The following FHIP1B variants were observed in gnomAD, a reference collection of about 807,000 sequenced individuals.
FHIP1B encodes FHF complex subunit HOOK-interacting protein 1B.
A neutral mutation model predicts 82.2 loss-of-function variants in FHIP1B; 28 were observed. The ratio of observed to expected loss-of-function variants is 0.34; its 90% CI spans 0.25 to 0.47. FHIP1B has a LOEUF of 0.47. Among genes scored for constraint, FHIP1B ranks in the 20% least tolerant of loss-of-function variants. The probability of loss-of-function intolerance (pLI) is 1.00; values close to 1 mark genes in which losing one functional copy is unlikely to be tolerated. For synonymous variants in FHIP1B, 585 were observed against 516.1 expected (o/e 1.13, Z -1.81); for missense variants, 1,110 against 1,262.6 (o/e 0.88, Z 1.83).
At chr11:6,216,737 A>C (rs1213334983) in intron 9 of FHIP1B, 1 of 285,144 alleles carries the variant, frequency 3.5e-6, no homozygotes, top group Non-Finnish European at 6.6e-6. Flanking sequence ...TTGCCTTCAA[A>C]GAAATTGCAC....
intron 1 of FHIP1B, among the ~76,000 whole-genome samples, chr11:6,227,657 T>C (rs190364227): frequency 8.5e-4 from 130 of 152,194 alleles, no homozygotes; most frequent in African/African-American, 2.8e-3. Flanking sequence ...AGATACAAAT[T>C]CAAGAGTTAG....
In FHIP1B at chr11:6,214,877, C is replaced by T; in HGVS notation, c.2250G>A (p.Glu750=). Residue 750 remains glutamate (E), a synonymous_variant, in exon 10 of 12, where the codon GAG becomes GAA. Coordinates refer to ENST00000449352, the MANE Select transcript of FHIP1B (RefSeq NM_001098794.2). ...CATAGACGGAGTTCTGCAGCATGTT[C>T]TCGAGTTTGGCAAAGAGCACAGCCA... ...PFMAVLFAKL[E]NMLQNSVYVN... 6.2e-7 allele frequency: 1 copy of T among 1,603,192 alleles called. No homozygotes were observed. The highest frequency in any genetic ancestry group is 8.5e-7 in the Non-Finnish European group (1 of 1,174,288).
Position 6,224,711 on chromosome 11 carries a change from A to C in FHIP1B, c.-191-4T>G. 1 of 584,388 alleles carries C rather than the reference A, an allele frequency of 1.7e-6. No individual in the cohort carries two copies. Among genetic ancestry groups the C allele is most frequent in the Non-Finnish European group, 3.0e-6 (1 of 334,876 alleles). 36.2% of individuals were successfully genotyped at this position (584,388 alleles called of 1,614,324 possible). A position where few individuals can be genotyped will look rare whatever the true frequency, so the allele number is the denominator to read the frequency against. ...TGGCCAGTCCAGATTTCTAAATCTA[A>C]TTCAGAGAAGAGATAATGGAAGGGA... is the stretch of plus-strand genomic sequence containing the variant. On this transcript the variant is annotated splice_region_variant and splice_polypyrimidine_tract_variant and intron_variant, in intron 1 of 11. Coordinates refer to ENST00000449352, the MANE Select transcript of FHIP1B (RefSeq NM_001098794.2).
chr11:6,211,439 T>C lies in FHIP1B; in HGVS notation c.*67A>G. The C allele has an allele frequency of 9.3e-6, 14 of 1,503,370 alleles. No individual in the cohort carries two copies. The highest frequency in any genetic ancestry group is 1.2e-5 in the Non-Finnish European group (14 of 1,129,938). The allele number at this position is 1,503,370 out of a possible 1,614,324, so 93.1% of individuals were successfully genotyped here. ...GTCCTTTTGCCACTGCCTCCAAACA[T>C]AAAAAGGAGCCTGTGCCCTAGCCCC... On this transcript the variant is annotated 3_prime_UTR_variant, in exon 12 of 12. Coordinates refer to ENST00000449352, the MANE Select transcript of FHIP1B (RefSeq NM_001098794.2).
rs756844079 is a variant in FHIP1B, at chr11:6,218,146, A to C, written c.1440T>G (p.Pro480=). ...RPEHASWARG[P]GSPSVDSSSV... ...AAGAGGAGTCCACACTTGGGCTTCC[A>C]GGACCTGCAAAGGGAAAAAATATAA... Residue 480 remains proline (P), a synonymous_variant, in exon 9 of 12, where the codon CCT becomes CCG. Coordinates refer to ENST00000449352, the MANE Select transcript of FHIP1B (RefSeq NM_001098794.2). 1 of 1,610,076 alleles carries C rather than the reference A, an allele frequency of 6.2e-7. No homozygotes were observed. Among genetic ancestry groups the C allele is most frequent in the South Asian group, 1.1e-5 (1 of 90,596 alleles).
intron 11 of FHIP1B, among the ~76,000 whole-genome samples, chr11:6,213,285 T>C (rs924496295): frequency 6.6e-5 from 10 of 152,250 alleles, no homozygotes; most frequent in Non-Finnish European, 1.2e-4. Flanking sequence ...GCATATCATT[T>C]TGCCTTCTAC....
chr11:6,213,629 T>C (rs1179585684), intron 11 of FHIP1B, among the ~76,000 whole-genome samples: 2 of 152,216 alleles, frequency 1.3e-5, no homozygotes, highest in Non-Finnish European at 2.9e-5. Flanking sequence ...AAGATACCTG[T>C]TAAGCGAAAA....
chr11:6,223,577 C>G lies in FHIP1B; in HGVS notation c.777+33G>C. ...AAGGTGCTGTTCAGTATCTACACAC[C>G]ACACCCTACCCTCCAAGCCAGGGGG... On this transcript the variant is annotated intron_variant, in intron 3 of 11. Transcript: ENST00000449352. The surrounding 1 kb of genome is among the most constrained non-coding windows in gnomAD (Gnocchi z 4.8). The G allele has an allele frequency of 1.3e-6, 2 of 1,550,212 alleles. No individual in the cohort carries two copies. Among genetic ancestry groups the G allele is most frequent in the South Asian group, 2.5e-5 (2 of 79,820 alleles).
At chr11:6,228,787 T>C (rs388426) in intron 1 of FHIP1B, among the ~76,000 whole-genome samples, 123,339 of 151,992 alleles carry the variant, frequency 0.81, 50,897 homozygotes, top group East Asian at 0.98. Flanking sequence ...AATAAATCAT[T>C]AACGCAGCAA....
intron 1 of FHIP1B, among the ~76,000 whole-genome samples, chr11:6,231,805 TTATGA>T (rs977523673): frequency 3.9e-5 from 6 of 152,182 alleles, no homozygotes; most frequent in African/African-American, 9.7e-5. Context: ...GCCCAGCCTA[TTATGA>T]TATATTTTCA....
chr11:6,219,175 A>G, intron 6 of FHIP1B, 125 bp from the exon 7 acceptor site: 1 of 676,366 alleles, frequency 1.5e-6, no homozygotes. Context: ...GAACTCCTAG[A>G]GGACCATGTA....
At position 6,217,299 on chromosome 11, in the gene FHIP1B, A is replaced by G. The variant is rs760623418; in HGVS notation, c.2215+72T>C. ...AGAAATGACATGGCCAAGAGGTCCA[A>G]GAAACCAGCACAAACATGTCGAGAA... On this transcript the variant is annotated intron_variant, in intron 9 of 11. Transcript: ENST00000449352. 2.8e-6 allele frequency: 4 copies of G among 1,448,542 alleles called. No homozygotes were observed. In the African/African-American group the frequency reaches 4.2e-5, roughly 15 times the overall value. The allele number at this position is 1,448,542 out of a possible 1,614,324, so 89.7% of individuals were successfully genotyped here. A position where few individuals can be genotyped will look rare whatever the true frequency, so the allele number is the denominator to read the frequency against.
At position 6,217,450 on chromosome 11, in the gene FHIP1B, G is replaced by C; in HGVS notation, c.2136C>G (p.Thr712=). 1 of 1,613,932 alleles carries C rather than the reference G, an allele frequency of 6.2e-7. No homozygotes were observed. Among genetic ancestry groups the C allele is most frequent in the Non-Finnish European group, 8.5e-7 (1 of 1,179,882 alleles). The change falls in exon 9 of 12, where the codon ACC becomes ACG. Residue 712 remains threonine, a synonymous_variant. Coordinates refer to ENST00000449352, the MANE Select transcript of FHIP1B (RefSeq NM_001098794.2). ...AGGGGCCAGGGGGCTCAGGGGGACA[G>C]GTGAAGCTCTCGTAGGCCTCCTCCT... The part of the protein sequence containing the change: ...LEEEEAYESF[T]CPPEPPGPFL...
chr11:6,223,640 G>A lies in FHIP1B; in HGVS notation c.747C>T (p.Arg249=). The change falls in exon 3 of 12, where the codon CGC becomes CGT. Residue 249 remains arginine (R), a synonymous_variant. Coordinates refer to ENST00000449352, the MANE Select transcript of FHIP1B (RefSeq NM_001098794.2). This position sits in a 1 kb window ranked among gnomAD's most constrained non-coding sequence, Gnocchi z 4.8. ...ALSAGSPTVG[R]YIADHSYFCP... ...AGAAGTAAGAGTGATCCGCGATGTA[G>A]CGGCCCACAGTGGGGCTCCCAGCTG... is the stretch of plus-strand genomic sequence containing the variant. 1.2e-6 allele frequency: 2 copies of A among 1,606,974 alleles called. No individual in the cohort carries two copies. The highest frequency in any genetic ancestry group is 1.7e-6 in the Non-Finnish European group (2 of 1,175,968).
Position 6,217,354 on chromosome 11 carries a change from T to C in FHIP1B, c.2215+17A>G, listed in dbSNP as rs1188743164. The C allele has an allele frequency of 6.2e-7, 1 of 1,609,744 alleles. No homozygotes were observed. The highest frequency in any genetic ancestry group is 2.2e-5 in the East Asian group (1 of 44,856). Reference sequence around the variant, plus strand: ...CAAAGAGTACACAGAAGGGAAGGCCTAGGCTAAGTAGCTTACCAGTGAAGG... The same window carrying C: ...CAAAGAGTACACAGAAGGGAAGGCCCAGGCTAAGTAGCTTACCAGTGAAGG... On this transcript the variant is annotated intron_variant, in intron 9 of 11. Coordinates refer to ENST00000449352, the MANE Select transcript of FHIP1B (RefSeq NM_001098794.2).
intron 1 of FHIP1B, among the ~76,000 whole-genome samples, chr11:6,230,941 C>A (rs1368941830): frequency 6.6e-6 from 1 of 152,116 alleles, no homozygotes; most frequent in Non-Finnish European, 1.5e-5. Context: ...GAGAGGTAAG[C>A]TGAAGCTAAA....
At chr11:6,222,979 G>C in intron 4 of FHIP1B, 82 bp from the exon 5 acceptor site, 1 of 1,565,612 alleles carries the variant, frequency 6.4e-7, no homozygotes. Context: ...CTACAGAGAG[G>C]CATCCTACTT....
intron 6 of FHIP1B, among the ~76,000 whole-genome samples, chr11:6,220,047 G>A (rs1847362984): frequency 6.6e-6 from 1 of 152,168 alleles, no homozygotes; most frequent in South Asian, 2.1e-4. Flanking sequence ...GTCCCTCAAA[G>A]ATGCTCACAT....
intron 1 of FHIP1B, among the ~76,000 whole-genome samples, chr11:6,233,090 C>G (rs2133858169): frequency 6.6e-6 from 1 of 152,284 alleles, no homozygotes; most frequent in Admixed American, 6.5e-5. Context: ...ACTGACTGGG[C>G]AAGTTGCCAA....
Sources: gnomAD v4.1 joint callset for allele counts (sites outside exome capture counted in the v4.1 genomes callset) on GRCh38, gnomAD v4.1.1 for gene constraint, Gnocchi (gnomAD v3.1) non-coding constraint, MANE v1.5 for transcripts, NCBI Gene and HGNC (gene_info 2026-07-23, HGNC 2026-07-21) for gene names.